The following TBC1D8 variants were observed in gnomAD, a reference collection of about 807,000 sequenced individuals.
TBC1D8 encodes TBC1 domain family member 8.
TBC1D8 carries 65 observed loss-of-function variants against 118.8 expected under a neutral mutation model. The observed-to-expected ratio is 0.55, with a 90% confidence interval of 0.45 to 0.67. The LOEUF is 0.67. TBC1D8 is among the 30% of genes least tolerant of loss of function. The pLI is 0.00. For missense variants in TBC1D8, 1,376 were observed against 1,471.2 expected (o/e 0.94, Z 1.06); for synonymous variants, 566 against 595.8 (o/e 0.95, Z 0.73).
chr2:101,022,441 C>T lies in TBC1D8; in HGVS notation c.2601G>A (p.Glu867=). The stretch of plus-strand genomic sequence containing the variant: ...ACTGCCGGGCATCTATGCGGTACTG[C>T]TCAGCATAGGGCCGGCTGGGGTCGT... The part of the protein sequence containing the change: ...SRHDPSRPYA[E]QYRIDARQFA... Residue 867 remains glutamate (E), a synonymous_variant, in exon 16 of 20, where the codon GAG becomes GAA. Transcript: ENST00000409318. The T allele has an allele frequency of 6.2e-7, 1 of 1,612,410 alleles. No homozygotes were observed. Among genetic ancestry groups the T allele is most frequent in the Non-Finnish European group, 8.5e-7 (1 of 1,179,348 alleles).
At chr2:101,051,942 G>A (rs915041922) in intron 4 of TBC1D8, among the ~76,000 whole-genome samples, 1 of 152,186 alleles carries the variant, frequency 6.6e-6, no homozygotes, top group East Asian at 1.9e-4. Flanking sequence ...ATGTTCTAAT[G>A]GTTTTCTTAA....
chr2:101,124,558 G>A (rs1448787954), intron 1 of TBC1D8, among the ~76,000 whole-genome samples: 1 of 152,142 alleles, frequency 6.6e-6, no homozygotes, highest in Non-Finnish European at 1.5e-5. Context: ...ATGTGGCAAG[G>A]AATCTAAGTA....
At chr2:101,069,114 A>G (rs568606711) in intron 2 of TBC1D8, among the ~76,000 whole-genome samples, 56 of 151,988 alleles carry the variant, frequency 3.7e-4, no homozygotes, top group Non-Finnish European at 6.3e-4. Flanking sequence ...CCTGGCCAAT[A>G]TGGTGAAACC....
intron 15 of TBC1D8, among the ~76,000 whole-genome samples, chr2:101,026,422 C>A (rs1198839600): frequency 6.6e-6 from 1 of 152,234 alleles, no homozygotes; most frequent in African/African-American, 2.4e-5. Flanking sequence ...TGCTAGTTCT[C>A]ACCATACATC....
At chr2:101,038,375 C>T in intron 7 of TBC1D8, 86 bp downstream of exon 7, 1 of 1,441,336 alleles carries the variant, frequency 6.9e-7, no homozygotes, top group Non-Finnish European at 9.5e-7. Flanking sequence ...CTCATCCCCA[C>T]ATGGCTCTCC....
chr2:101,131,152 C>A (rs78162187), intron 1 of TBC1D8, among the ~76,000 whole-genome samples: 1 of 152,196 alleles, frequency 6.6e-6, no homozygotes. Flanking sequence ...ATCCTCCCAC[C>A]TCAGCCTCCC....
chr2:101,118,491 TC>T lies in TBC1D8; in HGVS notation c.128-28128del, dbSNP rs1458293539. On this transcript the variant is annotated intron_variant, in intron 1 of 19. Coordinates refer to ENST00000409318, the MANE Select transcript of TBC1D8 (RefSeq NM_001330348.2). ...GCGGGTGGATCACAAGGTCAGGAGATCGAGACCATCCTGGCTAACACGGTGA... is the reference window on the plus strand; with the variant it reads ...GCGGGTGGATCACAAGGTCAGGAGATGAGACCATCCTGGCTAACACGGTGA... Among the ~76,000 whole-genome samples the T allele has an allele frequency of 2.7e-5, 4 of 146,008 alleles. No homozygotes were observed. In the East Asian group the frequency reaches 8.4e-4, roughly 31 times the overall value.
intron 19 of TBC1D8, among the ~76,000 whole-genome samples, chr2:101,009,630 G>C (rs1349767528): frequency 2.0e-5 from 3 of 151,912 alleles, no homozygotes; most frequent in Non-Finnish European, 4.4e-5. Context: ...CCAGAGAGTA[G>C]AATGAGCATC....
intron 2 of TBC1D8, among the ~76,000 whole-genome samples, chr2:101,084,303 C>T (rs559114528): frequency 6.6e-6 from 1 of 152,326 alleles, no homozygotes; most frequent in African/African-American, 2.4e-5. Context: ...AATCCCAGCA[C>T]TTTGGGAGGC....
intron 5 of TBC1D8, among the ~76,000 whole-genome samples, chr2:101,047,613 T>C (rs1006139751): frequency 1.6e-4 from 24 of 152,294 alleles, no homozygotes; most frequent in African/African-American, 5.5e-4. Context: ...CATACATGCC[T>C]TTCACTTTCT....
At chr2:101,109,642 G>A (rs551619568) in intron 1 of TBC1D8, among the ~76,000 whole-genome samples, 22 of 152,124 alleles carry the variant, frequency 1.4e-4, no homozygotes, top group African/African-American at 5.1e-4. Flanking sequence ...TCCTACCCAC[G>A]TGCATGTTTT....
rs1213289406 is a variant in TBC1D8 at position 101,074,686 on chromosome 2, AACAG to A, written c.284-15151_284-15148del. On this transcript the variant is annotated intron_variant, in intron 2 of 19. Transcript: ENST00000409318. ...GGTGTGCGTGTACGTATATTAGATA[AACAG>A]ACAAACAATTATGGGAACATTGTTA... 5.3e-5 allele frequency among the ~76,000 whole-genome samples: 8 copies of A among 152,362 alleles called. No individual in the cohort carries two copies. In the East Asian group the frequency reaches 1.2e-3, roughly 22 times the overall value.
At chr2:101,075,774 T>C (rs920416722) in intron 2 of TBC1D8, among the ~76,000 whole-genome samples, 4 of 152,188 alleles carry the variant, frequency 2.6e-5, no homozygotes, top group Non-Finnish European at 5.9e-5. Context: ...GGCAGTTCTT[T>C]ATAGCAGTAT....
intron 2 of TBC1D8, among the ~76,000 whole-genome samples, chr2:101,087,560 T>C (rs914872109): frequency 5.9e-5 from 9 of 151,406 alleles, no homozygotes; most frequent in Admixed American, 2.6e-4. Context: ...GGAGAATCAC[T>C]TGAACCCAAG....
intron 2 of TBC1D8, among the ~76,000 whole-genome samples, chr2:101,073,291 A>AT (rs1384698819): frequency 1.4e-5 from 2 of 138,382 alleles, no homozygotes; most frequent in African/African-American, 5.5e-5. Flanking sequence ...ATTTTATTTT[A>AT]TTTTATTTAT....
chr2:101,040,860 T>C (rs1444228469), intron 5 of TBC1D8, among the ~76,000 whole-genome samples: 1 of 152,262 alleles, frequency 6.6e-6, no homozygotes, highest in East Asian at 1.9e-4. Flanking sequence ...CACGTGGGCA[T>C]CCCACATTCT....
rs534280696 is a variant in TBC1D8 at position 101,128,030 on chromosome 2, C to G, written c.127+23097G>C. 1.2e-4 allele frequency among the ~76,000 whole-genome samples: 19 copies of G among 152,288 alleles called. No individual in the cohort carries two copies. The South Asian group carries it at 2.1e-3, about 17-fold the overall frequency. ...ATTCTTATTAGTTACATTATTAACT[C>G]CCTTTCACAAAATAAGAAACCAAGG... On this transcript the variant is annotated intron_variant, in intron 1 of 19. Transcript: ENST00000409318.
chr2:101,095,904 C>T (rs1231625194), intron 1 of TBC1D8, among the ~76,000 whole-genome samples: 1 of 152,002 alleles, frequency 6.6e-6, no homozygotes, highest in Non-Finnish European at 1.5e-5. Flanking sequence ...GAAGGTCACA[C>T]CGAGGGACAC....
At chr2:101,082,902 A>G (rs1364930762) in intron 2 of TBC1D8, among the ~76,000 whole-genome samples, 3 of 152,232 alleles carry the variant, frequency 2.0e-5, no homozygotes, top group Non-Finnish European at 4.4e-5. Flanking sequence ...CAACCTGTAC[A>G]CTTAAAAATG....
Sources: allele counts gnomAD v4.1 joint callset (sites outside exome capture counted in the v4.1 genomes callset), GRCh38; gene constraint gnomAD v4.1.1; transcripts MANE v1.5; gene names NCBI Gene and HGNC (gene_info 2026-07-23, HGNC 2026-07-21).